The following TGFB3 variants were observed in gnomAD, a reference collection of about 807,000 sequenced individuals.
The protein encoded by TGFB3 is transforming growth factor beta 3.
Under a neutral mutation model 40.1 loss-of-function variants are expected in TGFB3, and 5 were observed. The ratio of observed to expected loss-of-function variants is 0.12; its 90% CI spans 0.07 to 0.26. TGFB3 has a LOEUF of 0.26. Ranked by LOEUF, TGFB3 falls within the 10% of genes least tolerant of loss-of-function variation. The probability of loss-of-function intolerance (pLI) is 1.00; values close to 1 mark genes in which losing one functional copy is unlikely to be tolerated. For synonymous variants in TGFB3, 184 were observed against 205.6 expected, an observed-to-expected ratio of 0.89 and a Z score of 0.90; for missense variants, 373 against 530.1, an observed-to-expected ratio of 0.70 and a Z score of 2.91.
At position 75,979,936 on chromosome 14, in the gene TGFB3, A is replaced by C. The variant is rs112542904; in HGVS notation, c.352+606T>G. ...CATACCCTCTTCCTTCCACACACAC[A>C]GCTCACGTGGGTCTCGTGGGTCACG... On this transcript the variant is annotated intron_variant, in intron 1 of 6. Coordinates refer to ENST00000238682, the MANE Select transcript of TGFB3 (RefSeq NM_003239.5). The surrounding 1 kb of genome is among the most constrained non-coding windows in gnomAD (Gnocchi z 4.8). Among the ~76,000 whole-genome samples the C allele has an allele frequency of 6.6e-6, 1 of 152,098 alleles. No homozygotes were observed.
At chr14:75,959,909 C>T (rs950050413) in intron 6 of TGFB3, among the ~76,000 whole-genome samples, 1 of 138,968 alleles carries the variant, frequency 7.2e-6, no homozygotes, top group East Asian at 2.2e-4. Context: ...ACAGTTACTA[C>T]ACTGATAACG....
chr14:75,961,168 C>G, intron 5 of TGFB3, 92 bp from the exon 6 acceptor site: 1 of 1,456,050 alleles, frequency 6.9e-7, no homozygotes, highest in South Asian at 1.2e-5. Flanking sequence ...GGAGTCCTTT[C>G]ATGCCATCAT....
Position 75,981,436 on chromosome 14 carries a change from A to T in TGFB3, c.-543T>A, listed in dbSNP as rs74448762. On this transcript the variant is annotated 5_prime_UTR_variant, in exon 1 of 7. Transcript: ENST00000238682. The surrounding 1 kb of genome is among the most constrained non-coding windows in gnomAD (Gnocchi z 4.7). ...GAAAAGGGAAAAAAAAGTAAAAAAA[A>T]AAAGATCACCAGTGAGTAGGTGGGG... The T allele has an allele frequency of 0.015, 2,755 of 184,132 alleles. 47 individuals carry two copies. Among genetic ancestry groups the T allele is most frequent in the South Asian group, 0.043 (400 of 9,314 alleles). The allele number at this position is 184,132 out of a possible 1,614,324, so 11.4% of individuals were successfully genotyped here. A position where few individuals can be genotyped will look rare whatever the true frequency, so the allele number is the denominator to read the frequency against.
chr14:75,972,794 G>A (rs939764834), intron 1 of TGFB3, among the ~76,000 whole-genome samples: 2 of 152,198 alleles, frequency 1.3e-5, no homozygotes, highest in Non-Finnish European at 2.9e-5. Flanking sequence ...AAGTGTTTGA[G>A]CAGTGCAGTG....
At chr14:75,963,028 C>A in intron 5 of TGFB3, 1 of 528,230 alleles carries the variant, frequency 1.9e-6, no homozygotes. Flanking sequence ...GACCAAGCCT[C>A]TCCAATCCAA....
rs562939443 is a variant in TGFB3, at chr14:75,978,310, G to A, written c.352+2232C>T. Among the ~76,000 whole-genome samples the A allele has an allele frequency of 8.7e-5, 13 of 149,320 alleles. No individual in the cohort carries two copies. Among genetic ancestry groups the A allele is most frequent in the African/African-American group, 9.8e-5 (4 of 40,966 alleles). ...AGGCTTCCTTCCCCCACCCCGCCCCGCCGCCTTGCAAGCCCCTGATGATGG... is the reference window on the plus strand; with the variant it reads ...AGGCTTCCTTCCCCCACCCCGCCCCACCGCCTTGCAAGCCCCTGATGATGG... On this transcript the variant is annotated intron_variant, in intron 1 of 6. Coordinates refer to ENST00000238682, the MANE Select transcript of TGFB3 (RefSeq NM_003239.5). This position sits in a 1 kb window ranked among gnomAD's most constrained non-coding sequence, Gnocchi z 5.0.
chr14:75,968,575 C>T (rs1344456971), intron 3 of TGFB3, among the ~76,000 whole-genome samples: 1 of 152,174 alleles, frequency 6.6e-6, no homozygotes, highest in Non-Finnish European at 1.5e-5. Context: ...TGATCAAAAT[C>T]AGACAGGGAA....
intron 3 of TGFB3, among the ~76,000 whole-genome samples, chr14:75,968,427 G>A (rs1026498383): frequency 6.6e-6 from 1 of 152,182 alleles, no homozygotes; most frequent in African/African-American, 2.4e-5. Flanking sequence ...GGACCCATAG[G>A]TTTTATTACG....
At chr14:75,959,632 G>A (rs2035128742) in intron 6 of TGFB3, among the ~76,000 whole-genome samples, 1 of 152,046 alleles carries the variant, frequency 6.6e-6, no homozygotes, top group East Asian at 1.9e-4. Flanking sequence ...TTAGCTGGCT[G>A]TGGTGGCAGG....
chr14:75,979,063 C>A lies in TGFB3; in HGVS notation c.352+1479G>T, dbSNP rs2035389486. 6.6e-6 allele frequency among the ~76,000 whole-genome samples: 1 copy of A among 152,178 alleles called. No homozygotes were observed. The highest frequency in any genetic ancestry group is 6.5e-5 in the Admixed American group (1 of 15,292). On this transcript the variant is annotated intron_variant, in intron 1 of 6. Coordinates refer to ENST00000238682, the MANE Select transcript of TGFB3 (RefSeq NM_003239.5). The surrounding 1 kb of genome is among the most constrained non-coding windows in gnomAD (Gnocchi z 4.8). ...GAACTGTGGGTCTCTGAGCCAGCCCCACCCAGAGACCCTGGGCAGGGAGTA... is the reference window on the plus strand; with the variant it reads ...GAACTGTGGGTCTCTGAGCCAGCCCAACCCAGAGACCCTGGGCAGGGAGTA...
chr14:75,965,798 A>T (rs996621423), intron 3 of TGFB3, 103 bp from the exon 4 acceptor site: 20 of 892,198 alleles, frequency 2.2e-5, no homozygotes, highest in Non-Finnish European at 3.7e-5. Flanking sequence ...TCCTATAGGG[A>T]CTCATAGGAA....
intron 1 of TGFB3, among the ~76,000 whole-genome samples, chr14:75,976,497 C>T (rs4252319): frequency 1.3e-5 from 2 of 152,180 alleles, no homozygotes; most frequent in African/African-American, 2.4e-5. Context: ...CATGTTGTTT[C>T]GCTGATGGAA....
chr14:75,972,742 A>G (rs930902824), intron 1 of TGFB3, among the ~76,000 whole-genome samples: 5 of 152,216 alleles, frequency 3.3e-5, no homozygotes, highest in African/African-American at 1.2e-4. Context: ...CTGTCAGACT[A>G]AAAGGTTAAA....
intron 6 of TGFB3, 177 bp downstream of exon 6, chr14:75,960,746 G>T: frequency 1.3e-6 from 1 of 762,646 alleles, no homozygotes; most frequent in Non-Finnish European, 2.1e-6. Context: ...TAAAAGGGCA[G>T]AATGTGACTG....
rs1167674615 is a variant in TGFB3 at position 75,960,937 on chromosome 14, T to C, written c.1066A>G (p.Thr356Ala). Residue 356 changes from threonine to alanine, a missense_variant, in exon 6 of 7, where the codon ACA becomes GCA. Thr to Ala is a moderately conservative substitution (Grantham distance 58). Transcript: ENST00000238682. ...CTGCTCCATACCGTGCTGTGGGTTG[T>C]GTCTGCACTGCGGAGGTATGGGCAA... is the stretch of plus-strand genomic sequence containing the variant. ...GPCPYLRSADTTHSTVLGLYN... is the reference protein window; with the variant it reads ...GPCPYLRSADATHSTVLGLYN... 5.6e-6 allele frequency: 9 copies of C among 1,614,086 alleles called. No individual in the cohort carries two copies. The South Asian group carries it at 8.8e-5, about 16-fold the overall frequency.
At position 75,980,705 on chromosome 14, in the gene TGFB3, G is replaced by A; in HGVS notation, c.189C>T (p.Thr63=). 1 of 1,614,170 alleles carries A rather than the reference G, an allele frequency of 6.2e-7. No individual in the cohort carries two copies. Among genetic ancestry groups the A allele is most frequent in the Non-Finnish European group, 8.5e-7 (1 of 1,180,032 alleles). The change falls in exon 1 of 7, where the codon ACC becomes ACT. Residue 63 remains threonine, a synonymous_variant. Coordinates refer to ENST00000238682, the MANE Select transcript of TGFB3 (RefSeq NM_003239.5). The surrounding 1 kb of genome is among the most constrained non-coding windows in gnomAD (Gnocchi z 4.3). ...GGGCCAGGACCTGATAGGGGACGTG[G>A]GTCATCACCGTTGGCTCAGGGGGGC... ...LTSPPEPTVM[T]HVPYQVLALY... is the part of the protein sequence containing the mutation.
chr14:75,980,306 A>G lies in TGFB3; in HGVS notation c.352+236T>C, dbSNP rs3917147. ...GGATGTGATGTGAATTCAGCAAGCC[A>G]CTCAGCTCCAGGGCTCCTGGCCTCC... On this transcript the variant is annotated intron_variant, in intron 1 of 6. Coordinates refer to ENST00000238682, the MANE Select transcript of TGFB3 (RefSeq NM_003239.5). The surrounding 1 kb of genome is among the most constrained non-coding windows in gnomAD (Gnocchi z 4.3). Among the ~76,000 whole-genome samples, 17,661 of 152,192 alleles carry G rather than the reference A, an allele frequency of 0.12. 2,267 individuals are homozygous for G. The highest frequency in any genetic ancestry group is 0.32 in the African/African-American group (13,148 of 41,472).
rs1001305122 is a variant in TGFB3 at position 75,965,443 on chromosome 14, A to T, written c.754+145T>A. ...ACTCATTGCTTTTGGGGCAAAGCAG[A>T]ATTACTCAAGTACAAAATAGTCGGC... On this transcript the variant is annotated intron_variant, in intron 4 of 6. Coordinates refer to ENST00000238682, the MANE Select transcript of TGFB3 (RefSeq NM_003239.5). 3.5e-5 allele frequency: 25 copies of T among 719,296 alleles called. No individual in the cohort carries two copies. In the Admixed American group the frequency reaches 5.1e-4, roughly 15 times the overall value. 44.6% of individuals were successfully genotyped at this position (719,296 alleles called of 1,614,324 possible). A position where few individuals can be genotyped will look rare whatever the true frequency, so the allele number is the denominator to read the frequency against.
rs908655634 is a variant in TGFB3, at chr14:75,971,363, G to A, written c.517-108C>T. ...GAGCGATAGGAAACCAGTGGTTCCT[G>A]AATGCCATGGCCCTCGAGCACCTTA... On this transcript the variant is annotated intron_variant, in intron 2 of 6. Transcript: ENST00000238682. This position sits in a 1 kb window ranked among gnomAD's most constrained non-coding sequence, Gnocchi z 4.5. The A allele has an allele frequency of 4.9e-5, 76 of 1,561,650 alleles. No homozygotes were observed. In the Middle Eastern group the frequency reaches 5.9e-4, roughly 12 times the overall value.
Sources: allele counts gnomAD v4.1 joint callset (sites outside exome capture counted in the v4.1 genomes callset), GRCh38; gene constraint gnomAD v4.1.1; non-coding constraint Gnocchi (gnomAD v3.1); transcripts MANE v1.5; gene names NCBI Gene and HGNC (gene_info 2026-07-23, HGNC 2026-07-21).